The following WSCD2 variants were observed in gnomAD, a reference collection of about 807,000 sequenced individuals.
WSCD2 encodes sialate:O-sulfotransferase 2.
WSCD2 carries 28 observed loss-of-function variants against 55.7 expected under a neutral mutation model. The observed-to-expected ratio is 0.50, with a 90% confidence interval of 0.37 to 0.69. The LOEUF (loss-of-function observed/expected upper bound fraction) is 0.69. Ranked by LOEUF, WSCD2 falls within the 30% of genes least tolerant of loss-of-function variation. The pLI is 0.00. For synonymous variants in WSCD2, 301 were observed against 301.9 expected, an observed-to-expected ratio of 1.00 and a Z score of 0.03; for missense variants, 616 against 762.1, an observed-to-expected ratio of 0.81 and a Z score of 2.26.
intron 5 of WSCD2, 39 bp downstream of exon 5, chr12:108,224,899 G>A: frequency 6.2e-7 from 1 of 1,603,996 alleles, no homozygotes; most frequent in Non-Finnish European, 8.5e-7. Context: ...CAGGGGGAGG[G>A]AACCATGCAG....
intron 1 of WSCD2, among the ~76,000 whole-genome samples, chr12:108,148,814 C>T (rs1981936): frequency 2.0e-5 from 3 of 152,008 alleles, no homozygotes; most frequent in Admixed American, 6.5e-5. Context: ...CACTGAAGCC[C>T]CTGACAATAT....
chr12:108,239,824 C>T (rs975789520), intron 7 of WSCD2, among the ~76,000 whole-genome samples: 3 of 152,202 alleles, frequency 2.0e-5, no homozygotes, highest in Non-Finnish European at 2.9e-5. Context: ...AGCAATCCTC[C>T]CGCTTCAGCC....
At chr12:108,151,744 T>C (rs1878026242) in intron 1 of WSCD2, among the ~76,000 whole-genome samples, 1 of 152,246 alleles carries the variant, frequency 6.6e-6, no homozygotes, top group Admixed American at 6.5e-5. Flanking sequence ...GGCCACTCTC[T>C]GGGACCTGAT....
rs1316521090 is a variant in WSCD2 at position 108,206,418 on chromosome 12, T to A, written c.497+15T>A. The A allele has an allele frequency of 1.2e-6, 2 of 1,612,262 alleles. No individual in the cohort carries two copies. Among genetic ancestry groups the A allele is most frequent in the Admixed American group, 3.3e-5 (2 of 60,014 alleles). On this transcript the variant is annotated intron_variant, in intron 3 of 8. Coordinates refer to ENST00000547525, the MANE Select transcript of WSCD2 (RefSeq NM_014653.4). The stretch of plus-strand genomic sequence containing the variant: ...TGTGCTGAACGGTAGGGTCCCAGCA[T>A]CCCAGACTTGTCCATTTCAGGCCCT...
At chr12:108,238,318 G>T (rs1490486225) in intron 7 of WSCD2, among the ~76,000 whole-genome samples, 1 of 152,136 alleles carries the variant, frequency 6.6e-6, no homozygotes, top group Non-Finnish European at 1.5e-5. Flanking sequence ...AACTTAACTT[G>T]GCAAGTCCCA....
intron 8 of WSCD2, among the ~76,000 whole-genome samples, chr12:108,242,100 G>A (rs572122080): frequency 5.3e-5 from 8 of 152,322 alleles, no homozygotes; most frequent in African/African-American, 1.9e-4. Context: ...CCAGGAACCA[G>A]GCTGCTCCAG....
intron 1 of WSCD2, among the ~76,000 whole-genome samples, chr12:108,156,628 G>T (rs560516869): frequency 1.3e-5 from 2 of 152,100 alleles, no homozygotes; most frequent in Non-Finnish European, 2.9e-5. Context: ...GTGGGTTGTG[G>T]GTATCAAGAA....
At chr12:108,156,164 A>G (rs1016874176) in intron 1 of WSCD2, among the ~76,000 whole-genome samples, 1 of 152,232 alleles carries the variant, frequency 6.6e-6, no homozygotes, top group African/African-American at 2.4e-5. Flanking sequence ...TGGTGAGAAG[A>G]TGAAGGCAGT....
At chr12:108,236,365 T>C (rs1889264546) in intron 7 of WSCD2, among the ~76,000 whole-genome samples, 1 of 152,148 alleles carries the variant, frequency 6.6e-6, no homozygotes, top group Non-Finnish European at 1.5e-5. Context: ...TGGAAAAGGG[T>C]CCACTCCACC....
chr12:108,155,663 C>A (rs1653681420), intron 1 of WSCD2, among the ~76,000 whole-genome samples: 5 of 152,194 alleles, frequency 3.3e-5, no homozygotes. Flanking sequence ...CATCACTTCT[C>A]TGAGCCTCAT....
At chr12:108,158,210 A>G (rs1482479306) in intron 1 of WSCD2, among the ~76,000 whole-genome samples, 2 of 152,166 alleles carry the variant, frequency 1.3e-5, no homozygotes, top group African/African-American at 2.4e-5. Flanking sequence ...TTTCTGGAGC[A>G]TGTCAGAGAA....
intron 2 of WSCD2, among the ~76,000 whole-genome samples, chr12:108,199,943 G>C (rs948108236): frequency 1.3e-5 from 2 of 152,158 alleles, no homozygotes; most frequent in Non-Finnish European, 2.9e-5. Context: ...CTTAATACAT[G>C]CCAGCTATTA....
intron 3 of WSCD2, 112 bp downstream of exon 3, chr12:108,206,515 AC>A: frequency 9.7e-7 from 1 of 1,034,764 alleles, no homozygotes; most frequent in Non-Finnish European, 1.4e-6. Flanking sequence ...TGAGCACGTG[AC>A]CACAGGAAAG....
rs115874022 is a variant in WSCD2 at position 108,141,872 on chromosome 12, C to T, written c.-552+11946C>T. Among the ~76,000 whole-genome samples, 452 of 152,232 alleles carry T rather than the reference C, an allele frequency of 3.0e-3. 4 individuals are homozygous for T. Among genetic ancestry groups the T allele is most frequent in the African/African-American group, 0.01 (435 of 41,524 alleles). On this transcript the variant is annotated intron_variant, in intron 1 of 8. Coordinates refer to ENST00000547525, the MANE Select transcript of WSCD2 (RefSeq NM_014653.4). ...AGTGGAGTTGAATGATTCCATTAAA[C>T]CCTGGCCAGAGCAAGAAGAAGAAAG...
intron 7 of WSCD2, among the ~76,000 whole-genome samples, chr12:108,233,407 T>C (rs999514433): frequency 3.3e-5 from 5 of 152,258 alleles, no homozygotes; most frequent in Non-Finnish European, 5.9e-5. Context: ...AGCACCGGAA[T>C]GTTCTGGATG....
In WSCD2 at chr12:108,136,805, G is replaced by A. The variant is rs183584902; in HGVS notation, c.-552+6879G>A. On this transcript the variant is annotated intron_variant, in intron 1 of 8. Transcript: ENST00000547525. ...TGATGCACGGTTTCAGGAACTCCTCGGAGGAAGCTTTCCCTTTTCTCTCCC... is the reference window on the plus strand; with the variant it reads ...TGATGCACGGTTTCAGGAACTCCTCAGAGGAAGCTTTCCCTTTTCTCTCCC... Among the ~76,000 whole-genome samples the A allele has an allele frequency of 4.3e-3, 651 of 152,286 alleles. 1 individual carries two copies. Among genetic ancestry groups the A allele is most frequent in the Middle Eastern group, 0.017 (5 of 294 alleles).
chr12:108,145,242 C>T (rs1877262406), intron 1 of WSCD2, among the ~76,000 whole-genome samples: 1 of 152,200 alleles, frequency 6.6e-6, no homozygotes, highest in Non-Finnish European at 1.5e-5. Context: ...AACTGCAGCT[C>T]CTCCTTCAGG....
chr12:108,133,884 T>G (rs923975646), intron 1 of WSCD2, among the ~76,000 whole-genome samples: 1 of 152,218 alleles, frequency 6.6e-6, no homozygotes, highest in African/African-American at 2.4e-5. Context: ...ATAGGCAGCC[T>G]AGGATGTGCT....
At chr12:108,133,986 G>C (rs1203442117) in intron 1 of WSCD2, among the ~76,000 whole-genome samples, 1 of 152,192 alleles carries the variant, frequency 6.6e-6, no homozygotes, top group Non-Finnish European at 1.5e-5. Context: ...CGAGATTAAT[G>C]GCTCCCTGGA....
Sources: gnomAD v4.1 joint callset for allele counts (sites outside exome capture counted in the v4.1 genomes callset) on GRCh38, gnomAD v4.1.1 for gene constraint, MANE v1.5 for transcripts, NCBI Gene and HGNC (gene_info 2026-07-23, HGNC 2026-07-21) for gene names.